Variants in LYPLAL1 observed in about 807,000 individuals in gnomAD.
LYPLAL1 encodes lysophospholipase like 1.
A neutral mutation model predicts 19.7 loss-of-function variants in LYPLAL1; 23 were observed. The ratio of observed to expected loss-of-function variants is 1.17; its 90% CI spans 0.84 to 1.65. LYPLAL1 has a LOEUF of 1.65. Ranked by LOEUF, LYPLAL1 falls within the 40% of genes most tolerant of loss-of-function variation. LYPLAL1 has a pLI of 0.00. For synonymous variants in LYPLAL1, 119 were observed against 96.3 expected, an observed-to-expected ratio of 1.24 and a Z score of -1.38; for missense variants, 355 against 279.4, an observed-to-expected ratio of 1.27 and a Z score of -1.93.
At chr1:219,382,564 G>A in the LYPLAL1 span, among the ~76,000 whole-genome samples, 29 of 152,024 alleles carry the variant, frequency 1.9e-4, no homozygotes, top group Admixed American at 9.8e-4. Context: ...GGGTTTCACC[G>A]TGTTAGCCAG....
the LYPLAL1 span, among the ~76,000 whole-genome samples, chr1:219,403,451 A>G: frequency 6.6e-6 from 1 of 152,144 alleles, no homozygotes; most frequent in Admixed American, 6.5e-5. Flanking sequence ...AATTATTGAA[A>G]AGTGTGGAGG....
chr1:219,326,275 T>C, the LYPLAL1 span, among the ~76,000 whole-genome samples: 5 of 117,042 alleles, frequency 4.3e-5, no homozygotes, highest in South Asian at 3.0e-4. Context: ...TTTTGTTAGT[T>C]CGTGAGGGTT....
chr1:219,297,774 A>G, the LYPLAL1 span, among the ~76,000 whole-genome samples: 17 of 152,354 alleles, frequency 1.1e-4, no homozygotes, highest in Admixed American at 8.5e-4. Flanking sequence ...TCTGGAAGCG[A>G]TAAAGAGGGT....
chr1:219,409,169 T>C, the LYPLAL1 span, among the ~76,000 whole-genome samples: 1 of 152,036 alleles, frequency 6.6e-6, no homozygotes, highest in South Asian at 2.1e-4. Context: ...AATAAAATGG[T>C]TGGGTGTAGT....
the LYPLAL1 span, among the ~76,000 whole-genome samples, chr1:219,408,455 A>T: frequency 2.6e-5 from 4 of 152,120 alleles, no homozygotes; most frequent in Non-Finnish European, 4.4e-5. Flanking sequence ...GCTTGTGCTG[A>T]AGTGTATGAG....
At chr1:219,318,162 TA>T in the LYPLAL1 span, among the ~76,000 whole-genome samples, 4 of 152,106 alleles carry the variant, frequency 2.6e-5, no homozygotes, top group South Asian at 2.1e-4. Context: ...TCTCTGGGAT[TA>T]AAAAAAGGAA....
At chr1:219,174,859 A>G (rs80118019) in intron 1 of LYPLAL1, 2 of 974,642 alleles carry the variant, frequency 2.1e-6, no homozygotes, top group East Asian at 2.3e-4. Context: ...AAAACAATCC[A>G]ATTAGTTTGA....
chr1:219,365,622 CAG>C, the LYPLAL1 span, among the ~76,000 whole-genome samples: 1 of 152,134 alleles, frequency 6.6e-6, no homozygotes, highest in Admixed American at 6.5e-5. Context: ...GGAATGGTGC[CAG>C]ACCAGACCCC....
At chr1:219,377,422 T>G in the LYPLAL1 span, among the ~76,000 whole-genome samples, 1 of 152,192 alleles carries the variant, frequency 6.6e-6, no homozygotes, top group Non-Finnish European at 1.5e-5. Flanking sequence ...GTGGTGATGC[T>G]TGCACAACAA....
the LYPLAL1 span, among the ~76,000 whole-genome samples, chr1:219,341,354 C>A: frequency 6.6e-6 from 1 of 152,096 alleles, no homozygotes; most frequent in Non-Finnish European, 1.5e-5. Flanking sequence ...GCAGTATACC[C>A]ACATGCAGAA....
intron 3 of LYPLAL1, among the ~76,000 whole-genome samples, chr1:219,195,488 C>G (rs1175071580): frequency 6.6e-6 from 1 of 151,990 alleles, no homozygotes; most frequent in Non-Finnish European, 1.5e-5. Context: ...CTGAGTAGTA[C>G]TCTTAATGAG....
At chr1:219,249,242 A>T in the LYPLAL1 span, among the ~76,000 whole-genome samples, 2 of 152,146 alleles carry the variant, frequency 1.3e-5, no homozygotes, top group South Asian at 4.1e-4. Flanking sequence ...TAAAAAAATA[A>T]ACTATACACA....
At chr1:219,367,954 T>TC in the LYPLAL1 span, among the ~76,000 whole-genome samples, 1 of 151,888 alleles carries the variant, frequency 6.6e-6, no homozygotes, top group South Asian at 2.1e-4. Context: ...AATTTTTTTT[T>TC]TTTTTTGGTC....
the LYPLAL1 span, among the ~76,000 whole-genome samples, chr1:219,321,568 G>A: frequency 6.6e-6 from 1 of 152,042 alleles, no homozygotes; most frequent in Admixed American, 6.5e-5. Flanking sequence ...AGTTTTTATG[G>A]TTTTAGGTCT....
chr1:219,318,633 A>G, the LYPLAL1 span, among the ~76,000 whole-genome samples: 1 of 152,216 alleles, frequency 6.6e-6, no homozygotes, highest in Admixed American at 6.5e-5. Context: ...ACCACAACCC[A>G]TAATGACTAG....
At chr1:219,218,894 C>A in the LYPLAL1 span, among the ~76,000 whole-genome samples, 3 of 152,118 alleles carry the variant, frequency 2.0e-5, no homozygotes, top group African/African-American at 7.2e-5. Context: ...CTCCCGGGGT[C>A]CTGGCCCCAT....
chr1:219,422,851 A>G, the LYPLAL1 span, among the ~76,000 whole-genome samples: 14 of 152,192 alleles, frequency 9.2e-5, no homozygotes, highest in Non-Finnish European at 1.5e-4. Flanking sequence ...AAATTCTAGT[A>G]ACATAAATGT....
chr1:219,219,976 G>A, the LYPLAL1 span, among the ~76,000 whole-genome samples: 1 of 152,090 alleles, frequency 6.6e-6, no homozygotes, highest in South Asian at 2.1e-4. Context: ...AGCTCCAGGG[G>A]TTGTTGTGGA....
At chr1:219,265,798 A>G in the LYPLAL1 span, among the ~76,000 whole-genome samples, 2 of 152,332 alleles carry the variant, frequency 1.3e-5, no homozygotes, top group Admixed American at 6.5e-5. Context: ...ACAACATGGT[A>G]TCGTACTGAA....
Sources: gnomAD v4.1 joint callset for allele counts (sites outside exome capture counted in the v4.1 genomes callset) on GRCh38, gnomAD v4.1.1 for gene constraint, MANE v1.5 for transcripts, NCBI Gene and HGNC (gene_info 2026-07-23, HGNC 2026-07-21) for gene names.